GABRG3: variants seen among roughly 807,000 people sequenced by gnomAD.
GABRG3 encodes gamma-aminobutyric acid type A receptor subunit gamma3.
Under a neutral mutation model 48.8 loss-of-function variants are expected in GABRG3, and 25 were observed. The observed-to-expected ratio is 0.51, with a 90% CI of 0.37 to 0.72. The LOEUF (loss-of-function observed/expected upper bound fraction) is 0.72, where lower values mean the gene tolerates loss of function less well. Among genes scored for constraint, GABRG3 ranks in the 30% least tolerant of loss-of-function variants. GABRG3 has a pLI of 0.00. For synonymous variants in GABRG3, 227 were observed against 217.6 expected, an observed-to-expected ratio of 1.04 and a Z score of -0.38; for missense variants, 394 against 577.9, an observed-to-expected ratio of 0.68 and a Z score of 3.26.
chr15:27,035,266 A>G (rs1287145579), intron 3 of GABRG3, among the ~76,000 whole-genome samples: 2 of 152,200 alleles, frequency 1.3e-5, no homozygotes, highest in Admixed American at 1.3e-4. Context: ...GTCATTAGAG[A>G]TGCCACCTGG....
intron 3 of GABRG3, among the ~76,000 whole-genome samples, chr15:27,051,735 GTCTACT>G (rs1232282596): frequency 6.6e-6 from 1 of 152,164 alleles, no homozygotes; most frequent in Non-Finnish European, 1.5e-5. Context: ...TTATTGTGCA[GTCTACT>G]TCTATTACTA....
chr15:27,336,212 G>A (rs1294411039), intron 5 of GABRG3, among the ~76,000 whole-genome samples: 9 of 109,372 alleles, frequency 8.2e-5, no homozygotes, highest in East Asian at 6.8e-4. Flanking sequence ...GAAAGAAAGA[G>A]AGAGAGAGAG....
At chr15:27,224,277 C>A (rs749129999) in intron 3 of GABRG3, among the ~76,000 whole-genome samples, 5 of 152,220 alleles carry the variant, frequency 3.3e-5, no homozygotes, top group Non-Finnish European at 5.9e-5. Context: ...TTTCACCAAG[C>A]TGCTAAATTT....
At chr15:27,530,303 C>T (rs929017775) in intron 9 of GABRG3, among the ~76,000 whole-genome samples, 3 of 152,112 alleles carry the variant, frequency 2.0e-5, no homozygotes, top group Admixed American at 6.5e-5. Flanking sequence ...TACACACACA[C>T]AAAAGAGGAG....
intron 6 of GABRG3, among the ~76,000 whole-genome samples, chr15:27,482,353 C>A (rs1890120228): frequency 6.6e-6 from 1 of 152,234 alleles, no homozygotes; most frequent in African/African-American, 2.4e-5. Flanking sequence ...AGAAGTCACG[C>A]CCTGCCTGCA....
intron 3 of GABRG3, among the ~76,000 whole-genome samples, chr15:27,083,478 A>G (rs1251443365): frequency 6.6e-6 from 1 of 151,824 alleles, no homozygotes; most frequent in African/African-American, 2.4e-5. Context: ...GATTACAGGC[A>G]CACACCATCA....
chr15:27,303,300 A>G (rs1403252131), intron 3 of GABRG3, among the ~76,000 whole-genome samples: 1 of 151,704 alleles, frequency 6.6e-6, no homozygotes, highest in Non-Finnish European at 1.5e-5. Flanking sequence ...TTCCAGGATA[A>G]TAAGGGAGTA....
intron 5 of GABRG3, chr15:27,365,800 T>C (rs1895177423): frequency 6.6e-6 from 1 of 152,170 alleles, no homozygotes; most frequent in Non-Finnish European, 1.5e-5. Flanking sequence ...CTATCTTCTG[T>C]TGGAGATGAA....
chr15:27,389,357 A>C (rs1017788602), intron 5 of GABRG3, among the ~76,000 whole-genome samples: 1 of 152,204 alleles, frequency 6.6e-6, no homozygotes, highest in African/African-American at 2.4e-5. Flanking sequence ...CTTTGTGAAC[A>C]TAACTTAATA....
intron 2 of GABRG3, among the ~76,000 whole-genome samples, chr15:26,987,676 G>GT (rs2140644036): frequency 6.6e-6 from 1 of 152,276 alleles, no homozygotes; most frequent in East Asian, 1.9e-4. Context: ...CCGTTTTCTA[G>GT]TTCCTTGATT....
intron 5 of GABRG3, among the ~76,000 whole-genome samples, chr15:27,401,285 A>T (rs1049563997): frequency 6.6e-6 from 1 of 152,192 alleles, no homozygotes; most frequent in Admixed American, 6.5e-5. Context: ...GTTTACATCA[A>T]TGTGATTGGA....
chr15:27,283,536 C>T (rs1181054345), intron 3 of GABRG3, among the ~76,000 whole-genome samples: 4 of 152,114 alleles, frequency 2.6e-5, no homozygotes, highest in Admixed American at 2.0e-4. Flanking sequence ...CCCGGGAGGC[C>T]GCAGTTGCAG....
rs1347929394 is a variant in GABRG3 at position 27,097,603 on chromosome 15, A to C, written c.270+70782A>C. Among the ~76,000 whole-genome samples, 5 of 151,698 alleles carry C rather than the reference A, an allele frequency of 3.3e-5. No individual in the cohort carries two copies. In the East Asian group the frequency reaches 5.8e-4, roughly 18 times the overall value. ...CAGCTTTAATTATAATATTCTCTAAATTTTCTGTTCACCCTGCCGCAGAGA... is the reference window on the plus strand; with the variant it reads ...CAGCTTTAATTATAATATTCTCTAACTTTTCTGTTCACCCTGCCGCAGAGA... On this transcript the variant is annotated intron_variant, in intron 3 of 9. Coordinates refer to ENST00000615808, the MANE Select transcript of GABRG3 (RefSeq NM_033223.5).
At chr15:27,107,075 A>G (rs1356984640) in intron 3 of GABRG3, among the ~76,000 whole-genome samples, 1 of 152,030 alleles carries the variant, frequency 6.6e-6, no homozygotes, top group African/African-American at 2.4e-5. Context: ...GAAAAAAATC[A>G]TCCTCGCCAT....
rs918327757 is a variant in GABRG3, at chr15:27,075,977, C to A, written c.270+49156C>A. Among the ~76,000 whole-genome samples the A allele has an allele frequency of 3.9e-5, 6 of 152,256 alleles. No individual in the cohort carries two copies. In the East Asian group the frequency reaches 1.2e-3, roughly 29 times the overall value. ...GGAACGGAAGTGCTGCTAGTGTTTGCGCAGCATGTGAGTTTCTCTGTGTCC... is the reference window on the plus strand; with the variant it reads ...GGAACGGAAGTGCTGCTAGTGTTTGAGCAGCATGTGAGTTTCTCTGTGTCC... On this transcript the variant is annotated intron_variant, in intron 3 of 9. Transcript: ENST00000615808.
At chr15:27,041,498 A>G (rs902812273) in intron 3 of GABRG3, among the ~76,000 whole-genome samples, 3 of 149,032 alleles carry the variant, frequency 2.0e-5, no homozygotes, top group African/African-American at 7.3e-5. Context: ...ACCTTTTTAA[A>G]CCTATGCTGC....
chr15:27,287,055 CCA>C (rs1891637067), intron 3 of GABRG3, among the ~76,000 whole-genome samples: 1 of 152,136 alleles, frequency 6.6e-6, no homozygotes, highest in African/African-American at 2.4e-5. Context: ...ATGGTTTTGT[CCA>C]GTTATTCCAT....
At chr15:27,067,121 G>A (rs1019985015) in intron 3 of GABRG3, among the ~76,000 whole-genome samples, 1 of 152,144 alleles carries the variant, frequency 6.6e-6, no homozygotes. Flanking sequence ...CTGCACCTTT[G>A]CCGTGGAGGG....
chr15:27,444,184 T>C (rs1416921064), intron 5 of GABRG3, among the ~76,000 whole-genome samples: 3 of 152,152 alleles, frequency 2.0e-5, no homozygotes, highest in Non-Finnish European at 4.4e-5. Context: ...TCTGAATTCT[T>C]AGGAAGTGGG....
Sources: gnomAD v4.1 joint callset for allele counts (sites outside exome capture counted in the v4.1 genomes callset) on GRCh38, gnomAD v4.1.1 for gene constraint, MANE v1.5 for transcripts, NCBI Gene and HGNC (gene_info 2026-07-23, HGNC 2026-07-21) for gene names.